The following SORCS1 variants were observed in gnomAD, a reference collection of about 807,000 sequenced individuals.
SORCS1 encodes the protein sortilin related VPS10 domain containing receptor 1.
A neutral mutation model predicts 146.1 loss-of-function variants in SORCS1; 60 were observed. That is an observed-to-expected ratio of 0.41 (90% confidence interval 0.33 to 0.51). SORCS1 has a LOEUF of 0.51. Among genes scored for constraint, SORCS1 ranks in the 20% least tolerant of loss-of-function variants. The probability of loss-of-function intolerance (pLI) is 0.21; values close to 1 mark genes in which losing one functional copy is unlikely to be tolerated. For synonymous variants in SORCS1, 637 were observed against 584.0 expected (o/e 1.09, Z -1.31); for missense variants, 1,352 against 1,487.6 (o/e 0.91, Z 1.50).
chr10:107,083,097 A>C (rs941626547), intron 1 of SORCS1, among the ~76,000 whole-genome samples: 7 of 147,424 alleles, frequency 4.7e-5, no homozygotes, highest in Non-Finnish European at 1.0e-4. Flanking sequence ...TGACAGAGTA[A>C]GACTCCAACT....
At chr10:106,910,454 C>T (rs542096524) in intron 2 of SORCS1, among the ~76,000 whole-genome samples, 11 of 152,170 alleles carry the variant, frequency 7.2e-5, no homozygotes, top group East Asian at 1.9e-4. Flanking sequence ...TGGCACCTGG[C>T]GCAGAGTTAA....
chr10:106,811,219 G>T (rs1947443600), intron 3 of SORCS1, among the ~76,000 whole-genome samples: 1 of 152,144 alleles, frequency 6.6e-6, no homozygotes, highest in South Asian at 2.1e-4. Context: ...TTACAGGCAT[G>T]AGCCACCAGA....
At chr10:106,909,947 T>C (rs950546986) in intron 2 of SORCS1, among the ~76,000 whole-genome samples, 3 of 152,210 alleles carry the variant, frequency 2.0e-5, no homozygotes, top group African/African-American at 7.2e-5. Context: ...AGAATCCATG[T>C]TGTATATCAT....
intron 5 of SORCS1, among the ~76,000 whole-genome samples, chr10:106,757,349 C>T (rs1858726560): frequency 6.6e-6 from 1 of 152,132 alleles, no homozygotes; most frequent in Non-Finnish European, 1.5e-5. Context: ...GTCCCATACA[C>T]ACCCCCAATA....
intron 5 of SORCS1, among the ~76,000 whole-genome samples, chr10:106,738,810 A>G (rs1304914193): frequency 6.6e-6 from 1 of 151,274 alleles, no homozygotes; most frequent in East Asian, 2.0e-4. Flanking sequence ...TGGGCAACAA[A>G]GCCAGACCCC....
At chr10:106,706,461 G>T in intron 8 of SORCS1, 84 bp downstream of exon 8, 1 of 1,334,706 alleles carries the variant, frequency 7.5e-7, no homozygotes, top group Non-Finnish European at 1.1e-6. Context: ...ATGAGAGGCT[G>T]AAAGAGTCCT....
intron 1 of SORCS1, among the ~76,000 whole-genome samples, chr10:107,125,431 T>C (rs1966660004): frequency 6.6e-6 from 1 of 152,248 alleles, no homozygotes; most frequent in African/African-American, 2.4e-5. Flanking sequence ...TCTGCCTGGA[T>C]GTGCTTGATC....
chr10:106,999,387 C>G (rs1957124365), intron 1 of SORCS1, among the ~76,000 whole-genome samples: 1 of 152,210 alleles, frequency 6.6e-6, no homozygotes, highest in South Asian at 2.1e-4. Context: ...GACAGTTTTG[C>G]ATCTGCTGTG....
At chr10:107,120,902 C>A (rs1966366621) in intron 1 of SORCS1, among the ~76,000 whole-genome samples, 1 of 151,760 alleles carries the variant, frequency 6.6e-6, no homozygotes, top group Non-Finnish European at 1.5e-5. Context: ...GAAAAAAAAG[C>A]AAGAAAAAAT....
intron 1 of SORCS1, among the ~76,000 whole-genome samples, chr10:107,109,432 C>A (rs1965529900): frequency 6.6e-6 from 1 of 152,214 alleles, no homozygotes. Flanking sequence ...GTATGACTTG[C>A]ACCCTTTGAA....
rs141541282 is a variant in SORCS1, at chr10:106,972,119, C to T, written c.559-15539G>A. Among the ~76,000 whole-genome samples the T allele has an allele frequency of 4.1e-3, 619 of 152,132 alleles. 5 individuals are homozygous for T. Among genetic ancestry groups the T allele is most frequent in the African/African-American group, 0.014 (576 of 41,508 alleles). ...GGTGGTTCATGCCTGTAATCAATCA[C>T]GCCTGTAATCCCAGCACTTTGAGAA... On this transcript the variant is annotated intron_variant, in intron 1 of 25. Transcript: ENST00000263054.
At chr10:106,582,916 G>A (rs966010731) in intron 24 of SORCS1, among the ~76,000 whole-genome samples, 1 of 152,148 alleles carries the variant, frequency 6.6e-6, no homozygotes, top group African/African-American at 2.4e-5. Context: ...TGATTGCCAC[G>A]TAGTAAGTGC....
intron 6 of SORCS1, among the ~76,000 whole-genome samples, chr10:106,729,405 G>C (rs1589753547): frequency 6.6e-6 from 1 of 151,508 alleles, no homozygotes. Context: ...TCCTCCTGCT[G>C]CCTCTCATGG....
At chr10:107,127,006 C>T (rs1157660386) in intron 1 of SORCS1, among the ~76,000 whole-genome samples, 1 of 152,102 alleles carries the variant, frequency 6.6e-6, no homozygotes, top group Admixed American at 6.5e-5. Flanking sequence ...TCACTTGAGC[C>T]CAGCAGTGGT....
In SORCS1 at chr10:106,960,680, C is replaced by T. The variant is rs571532632; in HGVS notation, c.559-4100G>A. Reference sequence around the variant, plus strand: ...CCTCCCAAAGTGCTGGGATTACAGGCGTGAGCCACTGCGCCCAGCCAGTCC... The same window carrying T: ...CCTCCCAAAGTGCTGGGATTACAGGTGTGAGCCACTGCGCCCAGCCAGTCC... On this transcript the variant is annotated intron_variant, in intron 1 of 25. Transcript: ENST00000263054. The surrounding 1 kb of genome is among the most constrained non-coding windows in gnomAD (Gnocchi z 4.4). Among the ~76,000 whole-genome samples the T allele has an allele frequency of 7.2e-5, 11 of 152,268 alleles. No individual in the cohort carries two copies. Among genetic ancestry groups the T allele is most frequent in the Admixed American group, 6.5e-4 (10 of 15,304 alleles).
At chr10:106,693,504 T>G (rs1853457691) in intron 9 of SORCS1, among the ~76,000 whole-genome samples, 1 of 152,236 alleles carries the variant, frequency 6.6e-6, no homozygotes. Context: ...TATTCAGTCG[T>G]TAGTACATTT....
chr10:106,996,448 G>A (rs1016195707), intron 1 of SORCS1, among the ~76,000 whole-genome samples: 1 of 152,086 alleles, frequency 6.6e-6, no homozygotes, highest in Non-Finnish European at 1.5e-5. Flanking sequence ...GTATGCTACA[G>A]ACAAAATGCA....
chr10:107,149,799 A>G (rs1394741232), intron 1 of SORCS1, among the ~76,000 whole-genome samples: 2 of 152,214 alleles, frequency 1.3e-5, no homozygotes, highest in African/African-American at 4.8e-5. Flanking sequence ...AGACATTGAG[A>G]CAATGAAGAA....
chr10:107,120,000 C>T lies in SORCS1; in HGVS notation c.558+43969G>A, dbSNP rs138221406. Among the ~76,000 whole-genome samples, 230 of 152,114 alleles carry T rather than the reference C, an allele frequency of 1.5e-3. 1 individual carries two copies. Among genetic ancestry groups the T allele is most frequent in the African/African-American group, 5.3e-3 (218 of 41,510 alleles). On this transcript the variant is annotated intron_variant, in intron 1 of 25. Transcript: ENST00000263054. ...TTCCATGGTTTCTTCCAGCTAATTC[C>T]TATATGTTTTAATATCTTTTCAGAG...
Sources: gnomAD v4.1 joint callset for allele counts (sites outside exome capture counted in the v4.1 genomes callset) on GRCh38, gnomAD v4.1.1 for gene constraint, Gnocchi (gnomAD v3.1) non-coding constraint, MANE v1.5 for transcripts, NCBI Gene and HGNC (gene_info 2026-07-23, HGNC 2026-07-21) for gene names.